CDC40: variants seen among roughly 807,000 people sequenced by gnomAD.
CDC40 encodes the protein pre-mRNA-processing factor 17.
CDC40 carries 27 observed loss-of-function variants against 80.6 expected under a neutral mutation model. The observed-to-expected ratio is 0.33, with a 90% CI of 0.25 to 0.46. The LOEUF is 0.46. CDC40 is among the 20% of genes least tolerant of loss of function. The probability of loss-of-function intolerance (pLI) is 1.00; values close to 1 mark genes in which losing one functional copy is unlikely to be tolerated. For synonymous variants in CDC40, 221 were observed against 232.6 expected, an observed-to-expected ratio of 0.95 and a Z score of 0.45; for missense variants, 486 against 694.1, an observed-to-expected ratio of 0.70 and a Z score of 3.37.
At chr6:110,189,988 TA>T (rs2114649498) in intron 1 of CDC40, among the ~76,000 whole-genome samples, 1 of 152,370 alleles carries the variant, frequency 6.6e-6, no homozygotes, top group South Asian at 2.1e-4. Flanking sequence ...TTATCCTACT[TA>T]ATTTCTCTAC....
intron 8 of CDC40, 143 bp from the exon 9 acceptor site, chr6:110,215,143 T>C (rs1357453472): frequency 1.6e-6 from 1 of 637,576 alleles, no homozygotes; most frequent in East Asian, 2.8e-5. Flanking sequence ...TTAATGATAT[T>C]CAGTGTTTAA....
At chr6:110,201,158 A>G (rs781377905) in intron 2 of CDC40, among the ~76,000 whole-genome samples, 1 of 152,182 alleles carries the variant, frequency 6.6e-6, no homozygotes, top group Non-Finnish European at 1.5e-5. Context: ...AAATTATATG[A>G]CAGTACCACT....
intron 1 of CDC40, among the ~76,000 whole-genome samples, chr6:110,190,642 T>G (rs1375103357): frequency 6.6e-6 from 1 of 152,182 alleles, no homozygotes; most frequent in Non-Finnish European, 1.5e-5. Context: ...AACTGCCACG[T>G]TGGTGGTCAC....
At chr6:110,225,974 G>A (rs1314151479) in intron 12 of CDC40, among the ~76,000 whole-genome samples, 193 bp from the exon 13 acceptor site, 2 of 152,128 alleles carry the variant, frequency 1.3e-5, no homozygotes, top group African/African-American at 4.8e-5. Context: ...GATTTATGAA[G>A]TACAGGATTT....
chr6:110,193,788 G>A (rs925211038), intron 2 of CDC40, among the ~76,000 whole-genome samples: 2 of 152,170 alleles, frequency 1.3e-5, no homozygotes, highest in Non-Finnish European at 2.9e-5. Flanking sequence ...CTGCTTATCT[G>A]TCTACATACA....
chr6:110,193,261 C>T lies in CDC40; in HGVS notation c.269C>T (p.Ala90Val). 6.3e-7 allele frequency: 1 copy of T among 1,586,894 alleles called. No homozygotes were observed. The highest frequency in any genetic ancestry group is 8.7e-7 in the Non-Finnish European group (1 of 1,155,502). ...AATCCTACCTATGAGACCATGTTTG[C>T]TCCTGAGGTAAGAAAACATACTTAA... The part of the protein sequence containing the change: ...QYNPTYETMF[A>V]PEFGPENPFR... Residue 90 changes from alanine (A) to valine (V), a missense_variant, in exon 2 of 15, where the codon GCT becomes GTT. Physicochemically the swap from Ala to Val is moderately conservative, Grantham distance 64 (BLOSUM62 0). Transcript: ENST00000307731.
At chr6:110,183,527 C>G (rs572060590) in intron 1 of CDC40, among the ~76,000 whole-genome samples, 1 of 152,240 alleles carries the variant, frequency 6.6e-6, no homozygotes, top group African/African-American at 2.4e-5. Context: ...GCTAGTCCAC[C>G]CAGTGGTCTG....
Position 110,217,947 on chromosome 6 carries a change from C to G in CDC40, c.1090+144C>G. 1.9e-5 allele frequency: 10 copies of G among 527,974 alleles called. No homozygotes were observed. In the South Asian group the frequency reaches 2.2e-4, roughly 12 times the overall value. 32.7% of individuals were successfully genotyped at this position (527,974 alleles called of 1,614,324 possible). The stretch of plus-strand genomic sequence containing the variant: ...CACTGTCAGCAAATATCACAAAATA[C>G]ATTTGTAAGTCGAAACTGAGCATGA... On this transcript the variant is annotated intron_variant, in intron 10 of 14. Coordinates refer to ENST00000307731, the MANE Select transcript of CDC40 (RefSeq NM_015891.3).
chr6:110,222,320 A>T (rs537879801), intron 12 of CDC40, among the ~76,000 whole-genome samples: 309 of 152,236 alleles, frequency 2.0e-3, no homozygotes, highest in African/African-American at 6.9e-3. Flanking sequence ...GCACTTTGAG[A>T]GGCCGAGGCA....
chr6:110,206,607 T>G (rs969365576), intron 3 of CDC40, among the ~76,000 whole-genome samples: 1 of 152,214 alleles, frequency 6.6e-6, no homozygotes, highest in African/African-American at 2.4e-5. Flanking sequence ...CTGGTAGATA[T>G]CCTTCCTTCT....
At chr6:110,199,226 C>T (rs1238825909) in intron 2 of CDC40, among the ~76,000 whole-genome samples, 1 of 152,142 alleles carries the variant, frequency 6.6e-6, no homozygotes, top group Non-Finnish European at 1.5e-5. Context: ...TTATATTATA[C>T]ATAGCCTTAA....
intron 1 of CDC40, among the ~76,000 whole-genome samples, chr6:110,182,095 A>T (rs546963703): frequency 6.6e-6 from 1 of 152,350 alleles, no homozygotes; most frequent in African/African-American, 2.4e-5. Flanking sequence ...CTGTAATTCA[A>T]ATCCTGCCTC....
chr6:110,208,556 T>G (rs1777592778), intron 4 of CDC40, among the ~76,000 whole-genome samples: 1 of 152,226 alleles, frequency 6.6e-6, no homozygotes, highest in African/African-American at 2.4e-5. Flanking sequence ...ATACCATTTC[T>G]GGTGAAACCT....
intron 1 of CDC40, among the ~76,000 whole-genome samples, chr6:110,190,471 A>G (rs61494781): frequency 0.073 from 11,061 of 152,212 alleles, 546 homozygotes; most frequent in African/African-American, 0.14. Context: ...TGAGATTACT[A>G]GAGAAGTATT....
chr6:110,225,450 GTT>G (rs79984887), intron 12 of CDC40, among the ~76,000 whole-genome samples: 5 of 135,816 alleles, frequency 3.7e-5, no homozygotes, highest in African/African-American at 5.4e-5. Context: ...CTCACATGAG[GTT>G]TTTTTTTTTT....
Position 110,200,836 on chromosome 6 carries a change from C to G in CDC40, c.277-722C>G, listed in dbSNP as rs565731162. On this transcript the variant is annotated intron_variant, in intron 2 of 14. Coordinates refer to ENST00000307731, the MANE Select transcript of CDC40 (RefSeq NM_015891.3). Reference sequence around the variant, plus strand: ...ATTAAATAGCATTTGGAAAAACATTCTGGAAACTCAAAAGTATTATAAGCA... The same window carrying G: ...ATTAAATAGCATTTGGAAAAACATTGTGGAAACTCAAAAGTATTATAAGCA... 2.0e-5 allele frequency among the ~76,000 whole-genome samples: 3 copies of G among 152,256 alleles called. No homozygotes were observed. The East Asian group carries it at 5.8e-4, about 29-fold the overall frequency.
chr6:110,188,664 A>C (rs1777305219), intron 1 of CDC40, among the ~76,000 whole-genome samples: 1 of 152,142 alleles, frequency 6.6e-6, no homozygotes, highest in Admixed American at 6.5e-5. Flanking sequence ...AGCCAAACAG[A>C]TGTACCAACC....
At chr6:110,212,109 A>G (rs1777644270) in intron 6 of CDC40, 24 bp from the exon 7 acceptor site, 1 of 1,600,460 alleles carries the variant, frequency 6.2e-7, no homozygotes, top group Non-Finnish European at 8.6e-7. Flanking sequence ...TTGTTTATTG[A>G]TTTTCTTTGC....
At chr6:110,190,477 G>A (rs752092210) in intron 1 of CDC40, among the ~76,000 whole-genome samples, 12 of 152,170 alleles carry the variant, frequency 7.9e-5, no homozygotes, top group Non-Finnish European at 1.6e-4. Flanking sequence ...TACTAGAGAA[G>A]TATTCAGAGG....
Sources: gnomAD v4.1 joint callset for allele counts (sites outside exome capture counted in the v4.1 genomes callset) on GRCh38, gnomAD v4.1.1 for gene constraint, MANE v1.5 for transcripts, NCBI Gene and HGNC (gene_info 2026-07-23, HGNC 2026-07-21) for gene names.